Variants in SLC8A1 observed in about 807,000 individuals in gnomAD.
SLC8A1 encodes the protein solute carrier family 8 member A1, also known as sodium/calcium exchanger 1.
In SLC8A1, 18 loss-of-function variants were observed where a neutral mutation model predicts 68.3. That is an observed-to-expected ratio of 0.26 (90% confidence interval 0.18 to 0.39). The LOEUF is 0.39. SLC8A1 is among the 10% of genes least tolerant of loss of function. SLC8A1 has a pLI of 1.00. For missense variants in SLC8A1, 985 were observed against 1,156.7 expected (o/e 0.85, Z 2.15); for synonymous variants, 475 against 415.5 (o/e 1.14, Z -1.74).
intron 2 of SLC8A1, among the ~76,000 whole-genome samples, chr2:40,359,821 A>C (rs1477197199): frequency 6.6e-6 from 1 of 152,132 alleles, no homozygotes; most frequent in Non-Finnish European, 1.5e-5. Context: ...TGTGCTTTAC[A>C]TAGGATAAAA....
intron 1 of SLC8A1, among the ~76,000 whole-genome samples, chr2:40,491,153 A>G (rs999890543): frequency 6.6e-6 from 1 of 152,172 alleles, no homozygotes; most frequent in Non-Finnish European, 1.5e-5. Flanking sequence ...CTTATTTTAT[A>G]GTCAAAGAAG....
chr2:40,446,721 G>A (rs1701515014), intron 1 of SLC8A1: 1 of 152,130 alleles, frequency 6.6e-6, no homozygotes. Flanking sequence ...GTTAGCCCTT[G>A]GCCCAAGTTA....
chr2:40,285,020 A>G (rs1355012023), intron 2 of SLC8A1, among the ~76,000 whole-genome samples: 2 of 152,174 alleles, frequency 1.3e-5, no homozygotes, highest in Non-Finnish European at 2.9e-5. Flanking sequence ...AAGTCATAGA[A>G]TACAGCCTCT....
chr2:40,495,211 A>G (rs116618306), intron 1 of SLC8A1, among the ~76,000 whole-genome samples: 45 of 152,170 alleles, frequency 3.0e-4, no homozygotes, highest in Non-Finnish European at 5.9e-4. Flanking sequence ...CTGAGTCACA[A>G]GACATCATGG....
chr2:40,375,405 C>A (rs566093343), intron 2 of SLC8A1, among the ~76,000 whole-genome samples: 81 of 152,220 alleles, frequency 5.3e-4, no homozygotes, highest in African/African-American at 1.8e-3. Flanking sequence ...ATTTTCCTAA[C>A]AAACTTACTT....
At chr2:40,478,863 C>T (rs1286320999) in intron 1 of SLC8A1, among the ~76,000 whole-genome samples, 1 of 151,930 alleles carries the variant, frequency 6.6e-6, no homozygotes, top group African/African-American at 2.4e-5. Flanking sequence ...CCTCCGCCTC[C>T]TGGGTTCAAG....
At chr2:40,370,009 T>A (rs947939240) in intron 2 of SLC8A1, among the ~76,000 whole-genome samples, 4 of 152,120 alleles carry the variant, frequency 2.6e-5, no homozygotes, top group African/African-American at 9.7e-5. Flanking sequence ...TGGAGAGAAG[T>A]TGAGATAACT....
At chr2:40,128,838 A>G (rs2038719305) in intron 7 of SLC8A1, among the ~76,000 whole-genome samples, 2 of 152,218 alleles carry the variant, frequency 1.3e-5, no homozygotes, top group African/African-American at 4.8e-5. Flanking sequence ...ATAATTTCAA[A>G]ATCTTACAGA....
At chr2:40,142,604 AAG>A (rs1414790731) in intron 6 of SLC8A1, among the ~76,000 whole-genome samples, 1 of 152,216 alleles carries the variant, frequency 6.6e-6, no homozygotes, top group African/African-American at 2.4e-5. Context: ...GAAGACGAAC[AAG>A]AGAACAAATA....
chr2:40,254,408 T>TTTTTTTTTCAGGCTATTTAGATCCTGC (rs2063535341), intron 2 of SLC8A1: 4 of 149,968 alleles, frequency 2.7e-5, no homozygotes, highest in African/African-American at 7.4e-5. Flanking sequence ...TTTTTTGTTT[T>TTTTTTTTTCAGGCTATTTAGATCCTGC]TTTTTTTTCA....
At chr2:40,193,854 A>G (rs965719900) in intron 2 of SLC8A1, among the ~76,000 whole-genome samples, 1 of 152,118 alleles carries the variant, frequency 6.6e-6, no homozygotes, top group African/African-American at 2.4e-5. Flanking sequence ...CCCCTCCAGC[A>G]GCATACTTTA....
intron 2 of SLC8A1, among the ~76,000 whole-genome samples, chr2:40,400,778 G>C (rs1688493933): frequency 1.3e-5 from 2 of 152,178 alleles, no homozygotes; most frequent in South Asian, 4.1e-4. Flanking sequence ...AAGAGATTTT[G>C]GTGATGATGT....
chr2:40,301,898 T>A (rs1033178583), intron 2 of SLC8A1, among the ~76,000 whole-genome samples: 15 of 152,102 alleles, frequency 9.9e-5, no homozygotes, highest in Non-Finnish European at 1.0e-4. Context: ...AGTCTTGCTC[T>A]ATTGCCCACG....
chr2:40,123,524 G>C (rs540423477), intron 7 of SLC8A1, among the ~76,000 whole-genome samples: 50 of 152,128 alleles, frequency 3.3e-4, no homozygotes, highest in Non-Finnish European at 5.9e-4. Flanking sequence ...TCCAAATGAT[G>C]AACAATTTTT....
chr2:40,110,120 C>T (rs1325664898), exon 8 of SLC8A1: 3 of 152,098 alleles, frequency 2.0e-5, no homozygotes, highest in African/African-American at 7.2e-5. Context: ...GAAATACGTA[C>T]CATTTCTTGT....
intron 2 of SLC8A1, among the ~76,000 whole-genome samples, chr2:40,319,908 A>T (rs555413957): frequency 6.6e-6 from 1 of 152,264 alleles, no homozygotes; most frequent in South Asian, 2.1e-4. Context: ...GTTATTAAAA[A>T]GTGGCACTAA....
intron 5 of SLC8A1, among the ~76,000 whole-genome samples, chr2:40,163,045 G>A (rs1382391667): frequency 6.6e-6 from 1 of 152,278 alleles, no homozygotes; most frequent in South Asian, 2.1e-4. Context: ...TGCCTTGTAG[G>A]TATTAATGGT....
At chr2:40,283,619 GA>G (rs1407266106) in intron 2 of SLC8A1, among the ~76,000 whole-genome samples, 2 of 152,142 alleles carry the variant, frequency 1.3e-5, no homozygotes, top group African/African-American at 4.8e-5. Context: ...GAGGAAAAAT[GA>G]ACATTGCTTA....
At chr2:40,504,128 T>C (rs1185440242) in intron 1 of SLC8A1, among the ~76,000 whole-genome samples, 2 of 151,900 alleles carry the variant, frequency 1.3e-5, no homozygotes, top group Admixed American at 6.6e-5. Flanking sequence ...TGGAACAGAA[T>C]AGAGAACCCA....
Sources: gnomAD v4.1 joint callset for allele counts (sites outside exome capture counted in the v4.1 genomes callset) on GRCh38, gnomAD v4.1.1 for gene constraint, MANE v1.5 for transcripts, NCBI Gene and HGNC (gene_info 2026-07-23, HGNC 2026-07-21) for gene names.